The following PLEKHG7 variants were observed in gnomAD, a reference collection of about 807,000 sequenced individuals.
PLEKHG7 encodes pleckstrin homology and RhoGEF domain containing G7.
A neutral mutation model predicts 85.2 loss-of-function variants in PLEKHG7; 77 were observed. The ratio of observed to expected loss-of-function variants is 0.90; its 90% CI spans 0.75 to 1.09. PLEKHG7 has a LOEUF of 1.09. PLEKHG7 is among the 50% of genes least tolerant of loss of function. The pLI is 0.00. For synonymous variants in PLEKHG7, 301 were observed against 302.4 expected (o/e 1.00, Z 0.05); for missense variants, 777 against 804.3 (o/e 0.97, Z 0.41).
chr12:92,754,457 C>T (rs1053955469), intron 11 of PLEKHG7, among the ~76,000 whole-genome samples, 193 bp downstream of exon 11: 1 of 152,148 alleles, frequency 6.6e-6, no homozygotes, highest in Non-Finnish European at 1.5e-5. Context: ...TCCTGGCGAA[C>T]CCTATGAGAA....
At chr12:92,766,580 C>T (rs1013508531) in intron 15 of PLEKHG7, among the ~76,000 whole-genome samples, 19 of 151,966 alleles carry the variant, frequency 1.3e-4, no homozygotes, top group South Asian at 2.1e-4. Flanking sequence ...CAGTGGCTTA[C>T]GCCTGTAATC....
In PLEKHG7 at chr12:92,749,965, T is replaced by TTTTA. The variant is rs1298150469; in HGVS notation, c.1252-4123_1252-4120dup. Reference sequence around the variant, plus strand: ...ATATTTTATTTTATTTTATATTTTATTTTATATTTTATTTTATTTTATTAT... The same window carrying TTTTA: ...ATATTTTATTTTATTTTATATTTTATTTTATTTATATTTTATTTTATTTTATTAT... On this transcript the variant is annotated intron_variant, in intron 10 of 16. Coordinates refer to ENST00000344636, the MANE Select transcript of PLEKHG7 (RefSeq NM_001377329.1). 2.3e-3 allele frequency among the ~76,000 whole-genome samples: 241 copies of TTTTA among 105,906 alleles called. 1 individual carries two copies. Among genetic ancestry groups the TTTTA allele is most frequent in the Non-Finnish European group, 3.6e-3 (197 of 54,816 alleles). The allele number at this position is 105,906 out of a possible 152,430, so 69.5% of individuals were successfully genotyped here.
intron 14 of PLEKHG7, among the ~76,000 whole-genome samples, chr12:92,762,047 T>C (rs755324544): frequency 1.3e-5 from 2 of 152,036 alleles, no homozygotes; most frequent in Non-Finnish European, 2.9e-5. Context: ...AAAATGCAAG[T>C]TGCATTTCTC....
At chr12:92,764,985 GA>G (rs1432084708) in intron 15 of PLEKHG7, among the ~76,000 whole-genome samples, 4 of 152,058 alleles carry the variant, frequency 2.6e-5, no homozygotes, top group Admixed American at 2.6e-4. Flanking sequence ...GGCAGGTGGG[GA>G]CTGACTTCCT....
chr12:92,764,541 G>A (rs754424376), intron 15 of PLEKHG7, among the ~76,000 whole-genome samples: 14 of 151,910 alleles, frequency 9.2e-5, no homozygotes, highest in Non-Finnish European at 1.3e-4. Flanking sequence ...TGTTATTATA[G>A]TATCATTAAT....
At chr12:92,724,477 A>G (rs1468652977) in intron 3 of PLEKHG7, among the ~76,000 whole-genome samples, 1 of 152,192 alleles carries the variant, frequency 6.6e-6, no homozygotes, top group Non-Finnish European at 1.5e-5. Context: ...TCATCCTTGG[A>G]GGAGGAATCC....
chr12:92,766,176 G>A (rs1391853338), intron 15 of PLEKHG7, among the ~76,000 whole-genome samples: 1 of 152,234 alleles, frequency 6.6e-6, no homozygotes, highest in Admixed American at 6.5e-5. Flanking sequence ...GCCTCAGTAT[G>A]TGGCGGCTGG....
At chr12:92,718,911 G>A (rs1350662463) in intron 3 of PLEKHG7, among the ~76,000 whole-genome samples, 2 of 152,170 alleles carry the variant, frequency 1.3e-5, no homozygotes, top group Admixed American at 1.3e-4. Context: ...CACACATGAT[G>A]AGACTCTTAA....
chr12:92,705,031 T>C (rs1245464866), intron 1 of PLEKHG7, among the ~76,000 whole-genome samples: 1 of 152,218 alleles, frequency 6.6e-6, no homozygotes, highest in Non-Finnish European at 1.5e-5. Context: ...CTATTAATTA[T>C]CTATTCACAA....
chr12:92,733,632 T>C (rs1261620185), intron 5 of PLEKHG7, among the ~76,000 whole-genome samples: 1 of 152,160 alleles, frequency 6.6e-6, no homozygotes, highest in Non-Finnish European at 1.5e-5. Flanking sequence ...GAGGCAGAGC[T>C]GGTCACCAAT....
intron 10 of PLEKHG7, chr12:92,749,774 G>T (rs994293609): frequency 6.6e-5 from 10 of 151,880 alleles, no homozygotes; most frequent in African/African-American, 2.4e-4. Flanking sequence ...TTTAGAAAGG[G>T]TAAGTAAATT....
In PLEKHG7 at chr12:92,748,250, CTT is replaced by C. The variant is rs11308028; in HGVS notation, c.1251+2672_1251+2673del. On this transcript the variant is annotated intron_variant, in intron 10 of 16. Transcript: ENST00000344636. ...ATAAGTGCTGTTATAACACATGATG[CTT>C]TTTTTTTTTTTTGAGACAGAGTTTT... Among the ~76,000 whole-genome samples the C allele has an allele frequency of 9.3e-3, 1,336 of 143,378 alleles. 35 individuals are homozygous for C. Among genetic ancestry groups the C allele is most frequent in the African/African-American group, 0.031 (1,222 of 39,078 alleles). 94.1% of individuals were successfully genotyped at this position (143,378 alleles called of 152,430 possible).
chr12:92,735,215 T>C (rs1289538921), intron 5 of PLEKHG7, among the ~76,000 whole-genome samples: 1 of 152,164 alleles, frequency 6.6e-6, no homozygotes, highest in African/African-American at 2.4e-5. Flanking sequence ...GTCACTATGG[T>C]TTCAGACATC....
At chr12:92,717,381 G>A (rs1871520869) in intron 3 of PLEKHG7, among the ~76,000 whole-genome samples, 1 of 152,170 alleles carries the variant, frequency 6.6e-6, no homozygotes. Flanking sequence ...GGGGCAGCAG[G>A]ACCTGGAGTT....
chr12:92,749,931 T>TTTAC (rs1565794488), intron 10 of PLEKHG7, among the ~76,000 whole-genome samples: 3 of 110,570 alleles, frequency 2.7e-5, no homozygotes, highest in Non-Finnish European at 5.6e-5. Flanking sequence ...ATTTTATTTA[T>TTTAC]TTTATTTTAT....
intron 3 of PLEKHG7, among the ~76,000 whole-genome samples, chr12:92,724,260 A>C (rs532957542): frequency 1.3e-5 from 2 of 152,210 alleles, no homozygotes; most frequent in South Asian, 4.1e-4. Flanking sequence ...TGATGAAGGT[A>C]GAATTATGTT....
intron 3 of PLEKHG7, among the ~76,000 whole-genome samples, chr12:92,713,161 T>C (rs1022568615): frequency 3.3e-5 from 5 of 152,304 alleles, no homozygotes; most frequent in South Asian, 2.1e-4. Flanking sequence ...TTGTCAGTAA[T>C]GTAGTGGGGT....
At chr12:92,743,655 G>A (rs2136608111) in intron 9 of PLEKHG7, among the ~76,000 whole-genome samples, 1 of 152,254 alleles carries the variant, frequency 6.6e-6, no homozygotes, top group South Asian at 2.1e-4. Context: ...TGCCTCTCAG[G>A]TTCAAGCAAT....
chr12:92,755,562 T>C (rs951677531), intron 11 of PLEKHG7, among the ~76,000 whole-genome samples: 2 of 152,230 alleles, frequency 1.3e-5, no homozygotes, highest in African/African-American at 4.8e-5. Flanking sequence ...TTTATTGGTA[T>C]TATTGAAATA....
Sources: allele counts gnomAD v4.1 joint callset (sites outside exome capture counted in the v4.1 genomes callset), GRCh38; gene constraint gnomAD v4.1.1; transcripts MANE v1.5; gene names NCBI Gene and HGNC (gene_info 2026-07-23, HGNC 2026-07-21).